Variants in FOXP1 observed in about 807,000 individuals in gnomAD.
The protein encoded by FOXP1 is forkhead box P1.
Under a neutral mutation model 98.2 loss-of-function variants are expected in FOXP1, and 15 were observed. That is an observed-to-expected ratio of 0.15 (90% CI 0.10 to 0.24). The LOEUF (loss-of-function observed/expected upper bound fraction) is 0.24, where lower values mean the gene tolerates loss of function less well. Ranked by LOEUF, FOXP1 falls within the 10% of genes least tolerant of loss-of-function variation. The pLI is 1.00. For missense variants in FOXP1, 633 were observed against 848.5 expected (o/e 0.75, Z 3.15); for synonymous variants, 371 against 314.5 (o/e 1.18, Z -1.90).
At chr3:71,133,458 T>A (rs963719090) in intron 6 of FOXP1, among the ~76,000 whole-genome samples, 2 of 152,218 alleles carry the variant, frequency 1.3e-5, no homozygotes, top group Non-Finnish European at 2.9e-5. Flanking sequence ...AATGTCACCA[T>A]AGACCTTGAA....
At chr3:70,981,345 GA>G (rs2038825860) in intron 14 of FOXP1, among the ~76,000 whole-genome samples, 1 of 152,142 alleles carries the variant, frequency 6.6e-6, no homozygotes, top group African/African-American at 2.4e-5. Flanking sequence ...AGAGAGCAGA[GA>G]GGGGGCTTAC....
intron 3 of FOXP1, among the ~76,000 whole-genome samples, chr3:71,455,723 T>G (rs1253868076): frequency 1.3e-5 from 2 of 152,166 alleles, no homozygotes; most frequent in Non-Finnish European, 2.9e-5. Flanking sequence ...AGTCAAAATA[T>G]TTTAAAGGAT....
rs138268099 is a variant in FOXP1 at position 71,328,884 on chromosome 3, C to G, written c.-72-29004G>C. The stretch of plus-strand genomic sequence containing the variant: ...TACTTGGGAGGCTGAGGCAGGAGAA[C>G]TGCTTGAACCCAGGAGGCGAAGGTT... On this transcript the variant is annotated intron_variant, in intron 4 of 20. Coordinates refer to ENST00000649528, the MANE Select transcript of FOXP1 (RefSeq NM_001349338.3). Among the ~76,000 whole-genome samples the G allele has an allele frequency of 2.0e-4, 29 of 147,284 alleles. No individual in the cohort carries two copies. In the East Asian group the frequency reaches 5.5e-3, roughly 28 times the overall value.
intron 3 of FOXP1, among the ~76,000 whole-genome samples, chr3:71,401,942 T>G (rs1202173242): frequency 1.3e-5 from 2 of 152,120 alleles, no homozygotes; most frequent in African/African-American, 4.8e-5. Context: ...CGTGGAGTTA[T>G]CCCTCACCCC....
At chr3:71,221,051 G>T (rs546638311) in intron 5 of FOXP1, among the ~76,000 whole-genome samples, 1 of 152,100 alleles carries the variant, frequency 6.6e-6, no homozygotes, top group Non-Finnish European at 1.5e-5. Flanking sequence ...TTTTAGAGCG[G>T]GGTCCCCAGC....
chr3:70,964,417 A>T (rs1026261396), intron 20 of FOXP1, among the ~76,000 whole-genome samples: 19 of 152,214 alleles, frequency 1.2e-4, no homozygotes, highest in Admixed American at 8.5e-4. Flanking sequence ...TCTTTATACT[A>T]ATAGGAATAT....
At chr3:70,995,284 A>G (rs886877256) in intron 13 of FOXP1, among the ~76,000 whole-genome samples, 1 of 152,032 alleles carries the variant, frequency 6.6e-6, no homozygotes, top group Non-Finnish European at 1.5e-5. Flanking sequence ...AATCCTGGCC[A>G]TGGCATTTCT....
chr3:71,050,483 A>G (rs1341852202), intron 9 of FOXP1, among the ~76,000 whole-genome samples: 1 of 152,218 alleles, frequency 6.6e-6, no homozygotes, highest in Non-Finnish European at 1.5e-5. Flanking sequence ...CTAAATTTTG[A>G]TGCCTTTGAA....
chr3:71,397,025 C>CACATATATATAGACAT (rs1305430376), intron 3 of FOXP1, among the ~76,000 whole-genome samples: 1 of 17,014 alleles, frequency 5.9e-5, no homozygotes, highest in Non-Finnish European at 1.6e-4. Context: ...TATATATATA[C>CACATATATATAGACAT]ATATATATGT....
intron 11 of FOXP1, among the ~76,000 whole-genome samples, chr3:71,028,924 A>C (rs1228190547): frequency 3.9e-5 from 6 of 152,168 alleles, no homozygotes; most frequent in Non-Finnish European, 1.5e-5. Flanking sequence ...CTCCTGTGAG[A>C]ATCTAATGCC....
At position 71,246,131 on chromosome 3, in the gene FOXP1, C is replaced by G. The variant is rs1236074127; in HGVS notation, c.-11-47739G>C. On this transcript the variant is annotated intron_variant, in intron 5 of 20. Transcript: ENST00000649528. Reference sequence around the variant, plus strand: ...AGGCAGCTGAGCAGCAGCGAGCCAGCTCTGGCCCCGACGCTGAGAAGGCTT... The same window carrying G: ...AGGCAGCTGAGCAGCAGCGAGCCAGGTCTGGCCCCGACGCTGAGAAGGCTT... Among the ~76,000 whole-genome samples, 21 of 151,980 alleles carry G rather than the reference C, an allele frequency of 1.4e-4. 1 individual carries two copies. Among genetic ancestry groups the G allele is most frequent in the Admixed American group, 1.4e-3 (21 of 15,256 alleles).
chr3:71,378,408 A>T (rs1208014146), intron 3 of FOXP1, among the ~76,000 whole-genome samples: 1 of 152,146 alleles, frequency 6.6e-6, no homozygotes, highest in African/African-American at 2.4e-5. Flanking sequence ...GAAAATATTA[A>T]ATGGAAAATT....
At chr3:71,455,425 G>A (rs1296130770) in intron 3 of FOXP1, among the ~76,000 whole-genome samples, 1 of 152,104 alleles carries the variant, frequency 6.6e-6, no homozygotes, top group African/African-American at 2.4e-5. Context: ...TTAGCTTTTA[G>A]TCATTAAACA....
At chr3:71,059,572 C>A (rs1040767421) in intron 7 of FOXP1, among the ~76,000 whole-genome samples, 1 of 152,146 alleles carries the variant, frequency 6.6e-6, no homozygotes, top group South Asian at 2.1e-4. Flanking sequence ...TCAATAAGCA[C>A]TGATTCTTTC....
At chr3:71,382,819 C>G (rs1481218666) in intron 3 of FOXP1, among the ~76,000 whole-genome samples, 1 of 152,194 alleles carries the variant, frequency 6.6e-6, no homozygotes, top group Non-Finnish European at 1.5e-5. Context: ...CTGAAAAACA[C>G]CAGGATAACA....
At chr3:71,033,714 TG>T (rs1159853991) in intron 11 of FOXP1, among the ~76,000 whole-genome samples, 1 of 151,530 alleles carries the variant, frequency 6.6e-6, no homozygotes, top group Non-Finnish European at 1.5e-5. Context: ...TGACAGGCGG[TG>T]ATACGGCACC....
chr3:70,980,727 G>A lies in FOXP1; in HGVS notation c.1147-2698C>T, dbSNP rs558321423. 1.3e-5 allele frequency among the ~76,000 whole-genome samples: 2 copies of A among 152,254 alleles called. 1 individual carries two copies. The highest frequency in any genetic ancestry group is 3.9e-4 in the East Asian group (2 of 5,178). ...TGCATGACAATCAACACGTGTAACTGAGCAAATATAAGGCAGTTACTCCTA... is the reference window on the plus strand; with the variant it reads ...TGCATGACAATCAACACGTGTAACTAAGCAAATATAAGGCAGTTACTCCTA... On this transcript the variant is annotated intron_variant, in intron 14 of 20. Coordinates refer to ENST00000649528, the MANE Select transcript of FOXP1 (RefSeq NM_001349338.3).
intron 5 of FOXP1, among the ~76,000 whole-genome samples, chr3:71,200,586 T>C (rs1348869030): frequency 6.6e-6 from 1 of 152,178 alleles, no homozygotes; most frequent in Non-Finnish European, 1.5e-5. Flanking sequence ...GCAACAATCA[T>C]TAAAGGAAGT....
chr3:71,323,105 G>T (rs2075488662), intron 4 of FOXP1, among the ~76,000 whole-genome samples: 1 of 151,876 alleles, frequency 6.6e-6, no homozygotes, highest in Non-Finnish European at 1.5e-5. Context: ...TGAGTAGCTG[G>T]GACTACAGAC....
Sources: allele counts gnomAD v4.1 joint callset (sites outside exome capture counted in the v4.1 genomes callset), GRCh38; gene constraint gnomAD v4.1.1; transcripts MANE v1.5; gene names NCBI Gene and HGNC (gene_info 2026-07-23, HGNC 2026-07-21).